Variants in ZMYM4 observed in about 807,000 individuals in gnomAD.
ZMYM4 encodes zinc finger MYM-type containing 4, also known as zinc finger MYM-type protein 4.
ZMYM4 carries 31 observed loss-of-function variants against 183.2 expected under a neutral mutation model. The ratio of observed to expected loss-of-function variants is 0.17; its 90% CI spans 0.13 to 0.23. ZMYM4 has a LOEUF of 0.23. Among genes scored for constraint, ZMYM4 ranks in the 10% least tolerant of loss-of-function variants. The probability of loss-of-function intolerance (pLI) is 1.00; values close to 1 mark genes in which losing one functional copy is unlikely to be tolerated. For missense variants in ZMYM4, 1,273 were observed against 1,840.3 expected, an observed-to-expected ratio of 0.69 and a Z score of 5.64; for synonymous variants, 592 against 631.2, an observed-to-expected ratio of 0.94 and a Z score of 0.93.
At chr1:35,283,438 C>T (rs779153791) in intron 1 of ZMYM4, among the ~76,000 whole-genome samples, 24 of 146,650 alleles carry the variant, frequency 1.6e-4, no homozygotes, top group Non-Finnish European at 2.5e-4. Context: ...CCTGGGTTCA[C>T]GCCATTCTCC....
At position 35,392,769 on chromosome 1, in the gene ZMYM4, C is replaced by T. The variant is rs141164677; in HGVS notation, c.2766+85C>T. 4.7e-4 allele frequency: 468 copies of T among 1,002,986 alleles called. 1 individual carries two copies. In the Middle Eastern group the frequency reaches 5.5e-3, roughly 12 times the overall value. The allele number at this position is 1,002,986 out of a possible 1,614,324, so 62.1% of individuals were successfully genotyped here. On this transcript the variant is annotated intron_variant, in intron 17 of 29. Coordinates refer to ENST00000314607, the MANE Select transcript of ZMYM4 (RefSeq NM_005095.3). ...ATAAATATGTGTGAACTAATTTGCC[C>T]TCCTTCTTTATTATATGAAATAGAT...
intron 7 of ZMYM4, among the ~76,000 whole-genome samples, chr1:35,374,160 T>G (rs984630202): frequency 1.3e-5 from 2 of 150,944 alleles, no homozygotes; most frequent in Non-Finnish European, 2.9e-5. Context: ...GCCTCCCGAG[T>G]AGCTGGGATT....
chr1:35,405,231 A>AG, intron 24 of ZMYM4, 37 bp downstream of exon 24: 2 of 1,605,212 alleles, frequency 1.2e-6, no homozygotes, highest in Non-Finnish European at 1.7e-6. Context: ...TGATTTAGGT[A>AG]GGGGGAAATA....
Position 35,361,267 on chromosome 1 carries a change from G to T in ZMYM4, c.669+12G>T, listed in dbSNP as rs775066604. The T allele has an allele frequency of 3.1e-6, 5 of 1,598,434 alleles. No homozygotes were observed. Among genetic ancestry groups the T allele is most frequent in the Non-Finnish European group, 4.3e-6 (5 of 1,173,774 alleles). On this transcript the variant is annotated intron_variant, in intron 4 of 29. Transcript: ENST00000314607. ...AAACAAACTTTAGGGTAAGTTTTCA[G>T]TGTGTATGTAGATTGCTGTAACTGT... is the stretch of plus-strand genomic sequence containing the variant.
intron 1 of ZMYM4, among the ~76,000 whole-genome samples, chr1:35,324,900 G>A (rs1642438967): frequency 6.6e-6 from 1 of 152,080 alleles, no homozygotes; most frequent in Non-Finnish European, 1.5e-5. Context: ...TACTCAGTAG[G>A]AACCATCCCT....
At chr1:35,270,433 T>C (rs1021516773) in intron 1 of ZMYM4, among the ~76,000 whole-genome samples, 1 of 152,172 alleles carries the variant, frequency 6.6e-6, no homozygotes. Flanking sequence ...CGGGGAGCAG[T>C]CATACACCCA....
chr1:35,347,867 A>G (rs1432008663), intron 2 of ZMYM4, among the ~76,000 whole-genome samples: 1 of 152,222 alleles, frequency 6.6e-6, no homozygotes, highest in Non-Finnish European at 1.5e-5. Context: ...TTACAAAAGT[A>G]ATATGCTCTT....
intron 15 of ZMYM4, among the ~76,000 whole-genome samples, chr1:35,390,445 G>C (rs796213651): frequency 6.6e-6 from 1 of 151,866 alleles, no homozygotes; most frequent in African/African-American, 2.4e-5. Flanking sequence ...TGGCGAGCAG[G>C]AGTGGGGGTC....
intron 23 of ZMYM4, among the ~76,000 whole-genome samples, chr1:35,400,653 TTC>T (rs1284346770): frequency 6.6e-6 from 1 of 152,228 alleles, no homozygotes; most frequent in Non-Finnish European, 1.5e-5. Context: ...CATTTTTAAG[TTC>T]TGAGTGTACA....
intron 7 of ZMYM4, among the ~76,000 whole-genome samples, chr1:35,371,084 TGTGTGTGTGTGTGTGTGTGTGTGC>T (rs1002506611): frequency 2.0e-4 from 25 of 122,182 alleles, no homozygotes; most frequent in Non-Finnish European, 3.4e-4. Context: ...TGTGTGTGTG[TGTGTGTGTGTGTGTGTGTGTGTGC>T]GCACATTTAT....
rs1039595567 is a variant in ZMYM4 at position 35,422,037 on chromosome 1, CAAAG to C, written c.*2366_*2369del. ...TATGACCCAGCAATTAGTAAAATTA[CAAAG>C]AAAGAGAGCAGTTTCCGAGAAAGAA... On this transcript the variant is annotated 3_prime_UTR_variant, in exon 30 of 30. Transcript: ENST00000314607. The C allele has an allele frequency of 1.4e-4, 22 of 152,088 alleles. No individual in the cohort carries two copies. Among genetic ancestry groups the C allele is most frequent in the South Asian group, 6.2e-4 (3 of 4,832 alleles). 9.4% of individuals were successfully genotyped at this position (152,088 alleles called of 1,614,324 possible). A position where few individuals can be genotyped will look rare whatever the true frequency, so the allele number is the denominator to read the frequency against.
intron 5 of ZMYM4, among the ~76,000 whole-genome samples, chr1:35,366,734 AG>A (rs1476057976): frequency 6.6e-6 from 1 of 152,238 alleles, no homozygotes. Flanking sequence ...ATTTAAGGCC[AG>A]GTGCGGTGGC....
chr1:35,299,268 A>G (rs1641161970), intron 1 of ZMYM4, among the ~76,000 whole-genome samples: 2 of 152,142 alleles, frequency 1.3e-5, no homozygotes, highest in Non-Finnish European at 2.9e-5. Context: ...TCTGGATTGC[A>G]TTGTTACCAA....
At chr1:35,392,452 A>G (rs1644727709) in intron 16 of ZMYM4, 100 bp downstream of exon 16, 1 of 1,448,506 alleles carries the variant, frequency 6.9e-7, no homozygotes, top group African/African-American at 1.4e-5. Context: ...CATTTGACAC[A>G]TTCAATATTA....
chr1:35,392,757 A>G, intron 17 of ZMYM4, 73 bp downstream of exon 17: 1 of 1,151,504 alleles, frequency 8.7e-7, no homozygotes, highest in Non-Finnish European at 1.2e-6. Context: ...AATATGTGTG[A>G]ACTAATTTGC....
chr1:35,345,838 T>C (rs1203063081), intron 2 of ZMYM4, among the ~76,000 whole-genome samples: 3 of 152,250 alleles, frequency 2.0e-5, no homozygotes, highest in Non-Finnish European at 4.4e-5. Flanking sequence ...CATTTTTAAG[T>C]GTACAGTTCA....
At chr1:35,410,638 G>A (rs1334298057) in intron 26 of ZMYM4, among the ~76,000 whole-genome samples, 1 of 150,718 alleles carries the variant, frequency 6.6e-6, no homozygotes, top group Non-Finnish European at 1.5e-5. Flanking sequence ...ACAGGCGCCT[G>A]CCACCACACC....
intron 1 of ZMYM4, among the ~76,000 whole-genome samples, chr1:35,280,700 A>G (rs113513154): frequency 6.6e-6 from 1 of 152,050 alleles, no homozygotes; most frequent in Non-Finnish European, 1.5e-5. Context: ...TTTGTGGTAG[A>G]TTACTCCAGT....
chr1:35,309,392 T>C (rs1641690748), intron 1 of ZMYM4, among the ~76,000 whole-genome samples: 1 of 152,226 alleles, frequency 6.6e-6, no homozygotes, highest in Non-Finnish European at 1.5e-5. Flanking sequence ...GGGCATTGCC[T>C]TAGATTTGTT....
Sources: gnomAD v4.1 joint callset for allele counts (sites outside exome capture counted in the v4.1 genomes callset) on GRCh38, gnomAD v4.1.1 for gene constraint, MANE v1.5 for transcripts, NCBI Gene and HGNC (gene_info 2026-07-23, HGNC 2026-07-21) for gene names.